The following ANKS1B variants were observed in gnomAD, a reference collection of about 807,000 sequenced individuals.
ANKS1B encodes ankyrin repeat and sterile alpha motif domain containing 1B, also known as ankyrin repeat and sterile alpha motif domain-containing protein 1B.
ANKS1B carries 36 observed loss-of-function variants against 148.3 expected under a neutral mutation model. The ratio of observed to expected loss-of-function variants is 0.24; its 90% CI spans 0.19 to 0.32. ANKS1B has a LOEUF of 0.32. Among genes scored for constraint, ANKS1B ranks in the 10% least tolerant of loss-of-function variants. ANKS1B has a pLI of 1.00. For missense variants in ANKS1B, 1,157 were observed against 1,542.6 expected, an observed-to-expected ratio of 0.75 and a Z score of 4.19; for synonymous variants, 542 against 560.8, an observed-to-expected ratio of 0.97 and a Z score of 0.47.
At chr12:99,603,268 G>C (rs1312707847) in intron 9 of ANKS1B, among the ~76,000 whole-genome samples, 1 of 151,992 alleles carries the variant, frequency 6.6e-6, no homozygotes, top group African/African-American at 2.4e-5. Context: ...AAAGCTTCTT[G>C]AGGCTAGGAA....
Position 99,560,848 on chromosome 12 carries a change from T to C in ANKS1B, c.1273-56207A>G, listed in dbSNP as rs1233645643. Among the ~76,000 whole-genome samples the C allele has an allele frequency of 4.3e-4, 50 of 117,004 alleles. 1 individual carries two copies. The highest frequency in any genetic ancestry group is 1.3e-3 in the Admixed American group (16 of 12,268). The allele number at this position is 117,004 out of a possible 152,430, so 76.8% of individuals were successfully genotyped here. On this transcript the variant is annotated intron_variant, in intron 9 of 26. Coordinates refer to ENST00000683438, the MANE Select transcript of ANKS1B (RefSeq NM_001352186.2). ...CAATTTCTTTCTTTTTTCTTTTTTTTTTTTTTTTTTTTTTTTGAGACGGAG... is the reference window on the plus strand; with the variant it reads ...CAATTTCTTTCTTTTTTCTTTTTTTCTTTTTTTTTTTTTTTTGAGACGGAG...
chr12:99,249,709 C>G (rs1191164098), intron 12 of ANKS1B, among the ~76,000 whole-genome samples: 1 of 152,260 alleles, frequency 6.6e-6, no homozygotes, highest in Non-Finnish European at 1.5e-5. Flanking sequence ...CACAGCCCTC[C>G]CCGTATCTAG....
At chr12:99,715,022 G>A (rs1244194270) in intron 8 of ANKS1B, among the ~76,000 whole-genome samples, 9 of 151,770 alleles carry the variant, frequency 5.9e-5, no homozygotes, top group African/African-American at 1.9e-4. Context: ...CCAGCTACTC[G>A]GGAGGCTAAG....
At chr12:99,362,050 G>T (rs145509686) in intron 12 of ANKS1B, among the ~76,000 whole-genome samples, 20 of 152,014 alleles carry the variant, frequency 1.3e-4, no homozygotes, top group African/African-American at 4.8e-4. Context: ...TAATTATGAA[G>T]AAAATCCTAA....
chr12:99,648,794 G>C (rs1390538075), intron 9 of ANKS1B: 1 of 1,605,610 alleles, frequency 6.2e-7, no homozygotes, highest in Non-Finnish European at 8.5e-7. Flanking sequence ...CCAGTGGTGA[G>C]TCTATGCAGA....
In ANKS1B at chr12:99,196,586, GTTTT is replaced by G. The variant is rs147640434; in HGVS notation, c.2420-42195_2420-42192del. 2.7e-5 allele frequency among the ~76,000 whole-genome samples: 4 copies of G among 147,986 alleles called. No homozygotes were observed. In the East Asian group the frequency reaches 8.0e-4, roughly 29 times the overall value. ...GGGTGAGTTGCTCTGGATGCTTTCT[GTTTT>G]TTTTTGTTTGTTTTTGTTTTTTTTC... On this transcript the variant is annotated intron_variant, in intron 14 of 26. Coordinates refer to ENST00000683438, the MANE Select transcript of ANKS1B (RefSeq NM_001352186.2).
intron 9 of ANKS1B, among the ~76,000 whole-genome samples, chr12:99,535,232 A>G (rs1344565960): frequency 6.6e-6 from 1 of 152,222 alleles, no homozygotes; most frequent in Non-Finnish European, 1.5e-5. Flanking sequence ...TTACTCTACC[A>G]GCATCCCTGC....
chr12:99,805,263 C>CAAAAAAAG (rs2067459177), intron 4 of ANKS1B, among the ~76,000 whole-genome samples: 1 of 28,908 alleles, frequency 3.5e-5, no homozygotes, highest in Non-Finnish European at 5.8e-5. Context: ...GAGGAAAAGG[C>CAAAAAAAG]AAAAAAAAAA....
At chr12:98,919,966 T>A (rs2099799284) in intron 17 of ANKS1B, among the ~76,000 whole-genome samples, 1 of 152,206 alleles carries the variant, frequency 6.6e-6, no homozygotes, top group African/African-American at 2.4e-5. Context: ...AACACTGAGT[T>A]CTCTGAAAGT....
intron 8 of ANKS1B, among the ~76,000 whole-genome samples, chr12:99,732,206 AC>A (rs539648890): frequency 1.0e-3 from 155 of 152,292 alleles, no homozygotes; most frequent in African/African-American, 3.7e-3. Context: ...ACTGATTGGA[AC>A]TTAATACGGT....
intron 9 of ANKS1B, among the ~76,000 whole-genome samples, chr12:99,512,578 T>C (rs1412668876): frequency 6.6e-6 from 1 of 152,066 alleles, no homozygotes; most frequent in East Asian, 1.9e-4. Flanking sequence ...TATAAATCAT[T>C]CTATTATAAA....
intron 9 of ANKS1B, among the ~76,000 whole-genome samples, chr12:99,534,365 T>G (rs143009916): frequency 1.3e-5 from 2 of 152,368 alleles, no homozygotes; most frequent in African/African-American, 4.8e-5. Flanking sequence ...GTGATAATCA[T>G]GTCATTTGCC....
intron 12 of ANKS1B, among the ~76,000 whole-genome samples, chr12:99,363,679 C>T (rs1186445917): frequency 6.6e-6 from 1 of 152,096 alleles, no homozygotes; most frequent in African/African-American, 2.4e-5. Flanking sequence ...ATATAAGCTT[C>T]CGACCTCCAA....
At chr12:99,257,618 T>C (rs2075421358) in intron 12 of ANKS1B, among the ~76,000 whole-genome samples, 1 of 152,200 alleles carries the variant, frequency 6.6e-6, no homozygotes, top group Non-Finnish European at 1.5e-5. Context: ...TGTTTCCTAT[T>C]TCCAGTAATA....
chr12:98,894,490 C>T (rs1424446679), intron 17 of ANKS1B: 2 of 864,302 alleles, frequency 2.3e-6, no homozygotes, highest in Non-Finnish European at 2.8e-6. Flanking sequence ...ACACCTGCCC[C>T]GGCAAAGCGT....
At chr12:99,444,130 C>T (rs1372538005) in intron 10 of ANKS1B, among the ~76,000 whole-genome samples, 1 of 151,846 alleles carries the variant, frequency 6.6e-6, no homozygotes, top group Non-Finnish European at 1.5e-5. Context: ...CTTACCTTAA[C>T]TAAAAAGAAT....
intron 12 of ANKS1B, among the ~76,000 whole-genome samples, chr12:99,327,569 A>G (rs1404614637): frequency 6.8e-6 from 1 of 147,194 alleles, no homozygotes; most frequent in African/African-American, 2.5e-5. Flanking sequence ...TGTATTTCTC[A>G]GGACATATCC....
chr12:99,867,285 C>T (rs576718752), intron 1 of ANKS1B, among the ~76,000 whole-genome samples: 1 of 151,192 alleles, frequency 6.6e-6, no homozygotes, highest in Non-Finnish European at 1.5e-5. Flanking sequence ...CCCCCATCCC[C>T]TCCCCATTGC....
At chr12:99,320,376 A>G (rs2085019050) in intron 12 of ANKS1B, among the ~76,000 whole-genome samples, 1 of 152,130 alleles carries the variant, frequency 6.6e-6, no homozygotes, top group Admixed American at 6.5e-5. Context: ...TACTTTTTGG[A>G]GGCTTTGTTC....
Sources: allele counts gnomAD v4.1 joint callset (sites outside exome capture counted in the v4.1 genomes callset), GRCh38; gene constraint gnomAD v4.1.1; transcripts MANE v1.5; gene names NCBI Gene and HGNC (gene_info 2026-07-23, HGNC 2026-07-21).